SMARCA2: variants seen among roughly 807,000 people sequenced by gnomAD.
SMARCA2 encodes SWI/SNF related BAF chromatin remodeling complex subunit ATPase 2.
A neutral mutation model predicts 199.8 loss-of-function variants in SMARCA2; 61 were observed. That is an observed-to-expected ratio of 0.31 (90% CI 0.25 to 0.38). The LOEUF is 0.38. Ranked by LOEUF, SMARCA2 falls within the 10% of genes least tolerant of loss-of-function variation. The pLI is 1.00. For missense variants in SMARCA2, 1,344 were observed against 2,012.2 expected (o/e 0.67, Z 6.35); for synonymous variants, 935 against 732.0 (o/e 1.28, Z -4.48).
At chr9:2,167,622 T>A (rs1306669527) in intron 28 of SMARCA2, among the ~76,000 whole-genome samples, 3 of 152,244 alleles carry the variant, frequency 2.0e-5, no homozygotes, top group Non-Finnish European at 4.4e-5. Context: ...TGTCTTCCCC[T>A]AGCTGGGAAT....
In SMARCA2 at chr9:2,180,832, C is replaced by G. The variant is rs182233659; in HGVS notation, c.4254-739C>G. Among the ~76,000 whole-genome samples, 46 of 152,306 alleles carry G rather than the reference C, an allele frequency of 3.0e-4. 1 individual carries two copies. The East Asian group carries it at 8.1e-3, about 27-fold the overall frequency. ...GCTATAGAACCTGCTTTCAAATAAA[C>G]TTACCATGAATTTGGGGGAGGGTAC... On this transcript the variant is annotated intron_variant, in intron 29 of 33. Transcript: ENST00000349721.
chr9:2,191,273 A>G lies in SMARCA2; in HGVS notation c.4602A>G (p.Ser1534=), dbSNP rs776487920. ...DEEESESEAK[S]VKVKIKLNKK... is the part of the protein sequence containing the mutation. ...CATTTGCTTTGGTTTTAGCAAAATCAGTCAAGGTGAAAATTAAGCTCAATA... is the reference window on the plus strand; with the variant it reads ...CATTTGCTTTGGTTTTAGCAAAATCGGTCAAGGTGAAAATTAAGCTCAATA... Residue 1534 remains serine (S), a synonymous_variant, in exon 33 of 34, where the codon TCA becomes TCG. Transcript: ENST00000349721. 5.0e-6 allele frequency: 8 copies of G among 1,614,054 alleles called. No individual in the cohort carries two copies. The South Asian group carries it at 6.6e-5, about 13-fold the overall frequency.
At chr9:2,145,319 AAAAAAAAAAAG>A (rs1255359626) in intron 27 of SMARCA2, among the ~76,000 whole-genome samples, 2 of 72,882 alleles carry the variant, frequency 2.7e-5, no homozygotes, top group Non-Finnish European at 4.4e-5. Context: ...AAAAAAAAAA[AAAAAAAAAAAG>A]AGAGAGAAAC....
At chr9:2,078,351 A>G (rs1821416222) in intron 14 of SMARCA2, among the ~76,000 whole-genome samples, 1 of 152,076 alleles carries the variant, frequency 6.6e-6, no homozygotes, top group Non-Finnish European at 1.5e-5. Flanking sequence ...ACATGCCTGT[A>G]ATCCCGGCTA....
At chr9:2,033,149 TTTAA>T (rs1819150562) in intron 3 of SMARCA2, 68 bp downstream of exon 3, 11 of 1,541,112 alleles carry the variant, frequency 7.1e-6, no homozygotes, top group Non-Finnish European at 8.8e-6. Context: ...TGTTGGATAT[TTTAA>T]TTATGAATTC....
intron 27 of SMARCA2, among the ~76,000 whole-genome samples, chr9:2,130,826 C>T (rs897341611): frequency 6.6e-6 from 1 of 152,152 alleles, no homozygotes; most frequent in Non-Finnish European, 1.5e-5. Flanking sequence ...AGCAGGCATT[C>T]CATCTACCTA....
intron 29 of SMARCA2, among the ~76,000 whole-genome samples, chr9:2,177,189 C>G (rs758387941): frequency 1.1e-4 from 17 of 152,228 alleles, no homozygotes; most frequent in Non-Finnish European, 1.6e-4. Flanking sequence ...ACTTCACCTA[C>G]TGCCCTGCAG....
intron 19 of SMARCA2, among the ~76,000 whole-genome samples, chr9:2,088,981 T>C (rs950889066): frequency 2.0e-5 from 3 of 151,944 alleles, no homozygotes; most frequent in African/African-American, 7.3e-5. Context: ...CGTTGGGGAC[T>C]TGTATCATCA....
At chr9:2,092,842 C>A (rs780274079) in intron 19 of SMARCA2, among the ~76,000 whole-genome samples, 3 of 152,194 alleles carry the variant, frequency 2.0e-5, no homozygotes, top group African/African-American at 7.2e-5. Context: ...TGCTATAGCA[C>A]CAGTATATTT....
intron 23 of SMARCA2, among the ~76,000 whole-genome samples, chr9:2,109,924 G>C (rs1822924984): frequency 1.3e-5 from 2 of 152,200 alleles, no homozygotes. Context: ...GAGAGGAAGT[G>C]TGTGTGTTCT....
chr9:2,015,728 G>A (rs1195712433), intron 1 of SMARCA2, among the ~76,000 whole-genome samples: 2 of 152,216 alleles, frequency 1.3e-5, no homozygotes, highest in Admixed American at 1.3e-4. Flanking sequence ...CTTCAAGGGG[G>A]CAAAGGAGGA....
intron 27 of SMARCA2, among the ~76,000 whole-genome samples, chr9:2,131,043 C>T (rs971290526): frequency 6.6e-6 from 1 of 152,192 alleles, no homozygotes; most frequent in African/African-American, 2.4e-5. Context: ...TTTGCTCTTT[C>T]TGCCAACTTC....
At chr9:2,158,560 T>G (rs1825495833) in intron 27 of SMARCA2, 1 of 169,256 alleles carries the variant, frequency 5.9e-6, no homozygotes, top group Non-Finnish European at 1.3e-5. Context: ...GGGGGTTTGC[T>G]TCTGTGATTT....
chr9:2,079,936 C>G (rs1423762078), intron 14 of SMARCA2: 1 of 152,278 alleles, frequency 6.6e-6, no homozygotes, highest in Non-Finnish European at 1.5e-5. Context: ...GAGTTTTATG[C>G]CTCTGTGTTG....
intron 32 of SMARCA2, 66 bp from the exon 33 acceptor site, chr9:2,191,200 T>C (rs1444729026): frequency 9.4e-6 from 14 of 1,495,320 alleles, no homozygotes; most frequent in Non-Finnish European, 1.3e-5. Flanking sequence ...GTGATAGTCT[T>C]ACCACCTATA....
Position 2,086,885 on chromosome 9 carries a change from C to T in SMARCA2, c.2583C>T (p.Cys861=). 6.2e-7 allele frequency: 1 copy of T among 1,614,144 alleles called. No individual in the cohort carries two copies. ...DEGHRMKNHH[C]KLTQVLNTHY... ...GCCACCGAATGAAGAATCACCACTG[C>T]AAGCTGACTCAGGTCTTGAACACTC... The change falls in exon 18 of 34, where the codon TGC becomes TGT. Residue 861 remains cysteine, a synonymous_variant. Coordinates refer to ENST00000349721, the MANE Select transcript of SMARCA2 (RefSeq NM_003070.5). The surrounding 1 kb of genome is among the most constrained non-coding windows in gnomAD (Gnocchi z 4.3).
intron 1 of SMARCA2, among the ~76,000 whole-genome samples, chr9:2,025,666 G>A (rs112418245): frequency 0.011 from 1,630 of 152,202 alleles, 37 homozygotes; most frequent in African/African-American, 0.037. Flanking sequence ...GGCCAATACT[G>A]GACTTTAAAC....
At position 2,074,837 on chromosome 9, in the gene SMARCA2, C is replaced by T. The variant is rs188383310; in HGVS notation, c.1935+1214C>T. On this transcript the variant is annotated intron_variant, in intron 12 of 33. Transcript: ENST00000349721. ...CTGAGGTCGTGCCACTGCACTCCAG[C>T]CTGGGTGACAGAGCAAGATCCTGTT... is the stretch of plus-strand genomic sequence containing the variant. Among the ~76,000 whole-genome samples the T allele has an allele frequency of 1.5e-3, 226 of 152,322 alleles. 3 individuals carry two copies. The highest frequency in any genetic ancestry group is 5.2e-3 in the African/African-American group (215 of 41,572).
chr9:2,032,453 G>C (rs1337083143), intron 2 of SMARCA2: 2 of 154,008 alleles, frequency 1.3e-5, no homozygotes, highest in African/African-American at 4.8e-5. Context: ...TCACGGCTCT[G>C]TCCTGTCTGT....
Sources: allele counts gnomAD v4.1 joint callset (sites outside exome capture counted in the v4.1 genomes callset), GRCh38; gene constraint gnomAD v4.1.1; non-coding constraint Gnocchi (gnomAD v3.1); transcripts MANE v1.5; gene names NCBI Gene and HGNC (gene_info 2026-07-23, HGNC 2026-07-21).